Variants in GSE1 observed in about 807,000 individuals in gnomAD.
GSE1 encodes genetic suppressor element 1.
GSE1 carries 32 observed loss-of-function variants against 112.6 expected under a neutral mutation model. The observed-to-expected ratio is 0.28, with a 90% CI of 0.21 to 0.38. The LOEUF is 0.38. GSE1 is among the 10% of genes least tolerant of loss of function. The pLI is 1.00. For missense variants in GSE1, 2,348 were observed against 1,699.2 expected (o/e 1.38, Z -6.71); for synonymous variants, 1,115 against 735.6 (o/e 1.52, Z -8.35).
intron 8 of GSE1, 151 bp from the exon 9 acceptor site, chr16:85,660,995 G>C (rs965743617): frequency 4.8e-6 from 3 of 624,008 alleles, no homozygotes; most frequent in Non-Finnish European, 8.4e-6. Flanking sequence ...TTGGGGTGGA[G>C]TGTGTGTCCC....
intron 2 of GSE1, among the ~76,000 whole-genome samples, chr16:85,455,782 G>A (rs529054272): frequency 7.0e-4 from 107 of 152,328 alleles, no homozygotes; most frequent in African/African-American, 2.6e-3. Context: ...ACCCATCCAC[G>A]TGCAGGCAGC....
chr16:85,250,902 T>C (rs113097567), intron 1 of GSE1, among the ~76,000 whole-genome samples: 3,785 of 150,722 alleles, frequency 0.025, 159 homozygotes, highest in African/African-American at 0.085. Context: ...ACATTTCATC[T>C]GTGTGGAATC....
In GSE1 at chr16:85,672,440, A is replaced by C. The variant is rs764148372; in HGVS notation, c.3555A>C (p.Glu1185Asp). 6.2e-7 allele frequency: 1 copy of C among 1,612,168 alleles called. No homozygotes were observed. Among genetic ancestry groups the C allele is most frequent in the South Asian group, 1.1e-5 (1 of 90,870 alleles). ...GCCAGAAACAGAAGATGGTCTCAGA[A>C]AGGGAGCGGCTCCAGGCAGAACTGG... ...LRSQKQKMVS[E>D]RERLQAELDH... Residue 1185 changes from glutamate (E) to aspartate (D), a missense_variant, in exon 16 of 16, where the codon GAA becomes GAC. Glu to Asp is a conservative substitution (Grantham distance 45). Coordinates refer to ENST00000253458, the MANE Select transcript of GSE1 (RefSeq NM_014615.5).
At chr16:85,199,794 G>A (rs1453298529) in intron 1 of GSE1, among the ~76,000 whole-genome samples, 1 of 152,126 alleles carries the variant, frequency 6.6e-6, no homozygotes, top group Non-Finnish European at 1.5e-5. Context: ...TTGAGCAGGG[G>A]TGTGATGTGG....
chr16:85,652,293 G>C (rs373720333), intron 3 of GSE1, among the ~76,000 whole-genome samples: 1 of 152,358 alleles, frequency 6.6e-6, no homozygotes. Flanking sequence ...GGTCAGGTTG[G>C]CCCCTCGGCC....
chr16:85,671,619 A>C (rs1426901486), intron 15 of GSE1, among the ~76,000 whole-genome samples: 1 of 152,146 alleles, frequency 6.6e-6, no homozygotes, highest in Non-Finnish European at 1.5e-5. Context: ...TGTCTCCTGA[A>C]GGGGTAAATT....
chr16:85,189,349 T>C (rs1196538142), intron 1 of GSE1, among the ~76,000 whole-genome samples: 1 of 152,234 alleles, frequency 6.6e-6, no homozygotes, highest in Non-Finnish European at 1.5e-5. Flanking sequence ...AAAAAATAGC[T>C]AAAATTTGAA....
chr16:85,550,082 G>GGTGTGAT (rs2044850826), intron 2 of GSE1, among the ~76,000 whole-genome samples: 2 of 152,002 alleles, frequency 1.3e-5, no homozygotes, highest in Non-Finnish European at 2.9e-5. Flanking sequence ...GTGATTACAC[G>GGTGTGAT]TATCTTCCTG....
intron 2 of GSE1, among the ~76,000 whole-genome samples, chr16:85,411,034 T>C (rs1479448565): frequency 1.8e-4 from 12 of 67,890 alleles, no homozygotes; most frequent in South Asian, 6.2e-4. Flanking sequence ...TAATCCTCAC[T>C]GTTACTCTCA....
At chr16:85,216,425 T>C (rs1308756166) in intron 1 of GSE1, among the ~76,000 whole-genome samples, 2 of 152,224 alleles carry the variant, frequency 1.3e-5, no homozygotes, top group African/African-American at 4.8e-5. Flanking sequence ...AGCACTGTTA[T>C]TACCAGCTCT....
intron 1 of GSE1, among the ~76,000 whole-genome samples, chr16:85,215,864 G>A (rs202231953): frequency 1.3e-5 from 2 of 152,308 alleles, no homozygotes; most frequent in East Asian, 3.9e-4. Context: ...ACCGGTTGCT[G>A]CTTCTGTTGC....
rs73271278 is a variant in GSE1, at chr16:85,643,779, C to G, written c.227-4773C>G. Among the ~76,000 whole-genome samples the G allele has an allele frequency of 2.0e-3, 297 of 152,268 alleles. 3 individuals carry two copies. The highest frequency in any genetic ancestry group is 6.8e-3 in the African/African-American group (284 of 41,540). On this transcript the variant is annotated intron_variant, in intron 2 of 15. Coordinates refer to ENST00000253458, the MANE Select transcript of GSE1 (RefSeq NM_014615.5). ...CTCGGAAGCTCCTGCTCCCAGCTCCCCACTGTCCGGTCCCCAGGGAGGACC... is the reference window on the plus strand; with the variant it reads ...CTCGGAAGCTCCTGCTCCCAGCTCCGCACTGTCCGGTCCCCAGGGAGGACC...
Position 85,376,216 on chromosome 16 carries a change from C to T in GSE1, c.2464+18573C>T, listed in dbSNP as rs561860480. On this transcript the variant is annotated intron_variant, in intron 2 of 2. Coordinates refer to the GSE1 transcript ENST00000637419. The stretch of plus-strand genomic sequence containing the variant: ...GGCAAGCAGAACATGGTGAGATGGC[C>T]GCAGAGAGGCCCAGGAACCAGACCC... Among the ~76,000 whole-genome samples the T allele has an allele frequency of 2.0e-5, 3 of 152,058 alleles. No homozygotes were observed. The South Asian group carries it at 6.2e-4, about 32-fold the overall frequency.
Position 85,672,443 on chromosome 16 carries a change from G to T in GSE1, c.3558G>T (p.Arg1186Ser). 1 of 1,611,064 alleles carries T rather than the reference G, an allele frequency of 6.2e-7. No homozygotes were observed. The highest frequency in any genetic ancestry group is 8.5e-7 in the Non-Finnish European group (1 of 1,177,584). Residue 1186 changes from arginine to serine, a missense_variant, in exon 16 of 16, where the codon AGG (arginine) becomes AGT (serine). Transcript: ENST00000253458. ...AGAAACAGAAGATGGTCTCAGAAAG[G>T]GAGCGGCTCCAGGCAGAACTGGACC... ...RSQKQKMVSE[R>S]ERLQAELDHL...
chr16:85,555,805 T>G (rs1289233328), upstream of GSE1: 27 of 906,322 alleles, frequency 3.0e-5, no homozygotes, highest in Admixed American at 3.9e-4. Flanking sequence ...CTGGGGGCTG[T>G]TTTTTTTTTC....
intron 1 of GSE1, among the ~76,000 whole-genome samples, chr16:85,356,782 G>A (rs11865080): frequency 0.45 from 68,840 of 152,002 alleles, 15,768 homozygotes; most frequent in East Asian, 0.56. Flanking sequence ...GGGAGCCACC[G>A]CGCCTGGCCT....
At chr16:85,396,170 C>G (rs1195291471) in intron 2 of GSE1, among the ~76,000 whole-genome samples, 3 of 152,220 alleles carry the variant, frequency 2.0e-5, no homozygotes, top group Non-Finnish European at 2.9e-5. Flanking sequence ...CATCAGCAGG[C>G]CCGTCCTTCC....
chr16:85,407,254 T>C (rs1325639233), intron 2 of GSE1, among the ~76,000 whole-genome samples: 1 of 50,012 alleles, frequency 2.0e-5, no homozygotes, highest in Admixed American at 1.8e-4. Flanking sequence ...TAATCCTCGC[T>C]GTTACTCTCA....
chr16:85,589,903 G>A (rs2046906525), intron 1 of GSE1, among the ~76,000 whole-genome samples: 3 of 151,940 alleles, frequency 2.0e-5, no homozygotes, highest in Admixed American at 2.0e-4. Flanking sequence ...TGTGTGTGAT[G>A]TGAACCTGAG....
Sources: gnomAD v4.1 joint callset for allele counts (sites outside exome capture counted in the v4.1 genomes callset) on GRCh38, gnomAD v4.1.1 for gene constraint, MANE v1.5 for transcripts, NCBI Gene and HGNC (gene_info 2026-07-23, HGNC 2026-07-21) for gene names.